Variants in SEMA6D observed in about 807,000 individuals in gnomAD.
The protein encoded by SEMA6D is semaphorin 6D, also known as semaphorin-6D.
In SEMA6D, 35 loss-of-function variants were observed where a neutral mutation model predicts 106.6. The observed-to-expected ratio is 0.33, with a 90% CI of 0.25 to 0.44. SEMA6D has a LOEUF of 0.44. Ranked by LOEUF, SEMA6D falls within the 20% of genes least tolerant of loss-of-function variation. The probability of loss-of-function intolerance (pLI) is 1.00; values close to 1 mark genes in which losing one functional copy is unlikely to be tolerated. For missense variants in SEMA6D, 1,185 were observed against 1,345.9 expected, an observed-to-expected ratio of 0.88 and a Z score of 1.87; for synonymous variants, 499 against 487.7, an observed-to-expected ratio of 1.02 and a Z score of -0.31.
intron 2 of SEMA6D, among the ~76,000 whole-genome samples, chr15:47,432,329 C>T (rs1033319560): frequency 1.2e-4 from 18 of 151,902 alleles, no homozygotes; most frequent in African/African-American, 3.1e-4. Context: ...AAATATGGTT[C>T]GATAGAAACA....
chr15:47,457,395 C>A (rs1385063034), intron 2 of SEMA6D, among the ~76,000 whole-genome samples: 1 of 151,636 alleles, frequency 6.6e-6, no homozygotes, highest in South Asian at 2.1e-4. Flanking sequence ...AAAAAAAACA[C>A]AGATGAAAGT....
At chr15:47,540,380 G>A (rs8027222) in intron 3 of SEMA6D, among the ~76,000 whole-genome samples, 40,580 of 151,824 alleles carry the variant, frequency 0.27, 5,766 homozygotes, top group East Asian at 0.47. Context: ...TTCAAAATTA[G>A]CAAGGCATCC....
intron 4 of SEMA6D, among the ~76,000 whole-genome samples, chr15:47,634,998 C>G (rs144932673): frequency 5.3e-5 from 8 of 152,100 alleles, no homozygotes; most frequent in Non-Finnish European, 8.8e-5. Flanking sequence ...TTTTTTGGAG[C>G]TTTTCAGTCA....
At chr15:47,276,847 G>A (rs1453925064) in intron 1 of SEMA6D, among the ~76,000 whole-genome samples, 1 of 152,112 alleles carries the variant, frequency 6.6e-6, no homozygotes, top group Non-Finnish European at 1.5e-5. Flanking sequence ...AAGGATCTGG[G>A]CAAAGTAAAA....
intron 1 of SEMA6D, among the ~76,000 whole-genome samples, chr15:47,411,593 G>A (rs1428464599): frequency 6.6e-6 from 1 of 152,070 alleles, no homozygotes; most frequent in Non-Finnish European, 1.5e-5. Flanking sequence ...GAATGACAAA[G>A]TCTGACATTT....
At chr15:47,192,575 AAGC>A (rs1894038438) in intron 1 of SEMA6D, among the ~76,000 whole-genome samples, 2 of 152,216 alleles carry the variant, frequency 1.3e-5, no homozygotes, top group Non-Finnish European at 2.9e-5. Flanking sequence ...CATCATTAAA[AAGC>A]ATTTTTTTCA....
Position 47,766,640 on chromosome 15 carries a change from A to C in SEMA6D, c.1671A>C (p.Thr557=). ...GTGCTGAAGGATATGAACAAGACAC[A>C]GAATTCGGCAACACAGCTCATCTAG... ...GMLAEGYEQD[T]EFGNTAHLGD... Residue 557 remains threonine, a synonymous_variant, in exon 16 of 19, where the codon ACA becomes ACC. Coordinates refer to ENST00000536845, the MANE Select transcript of SEMA6D (RefSeq NM_001358351.3). 6.2e-7 allele frequency: 1 copy of C among 1,612,972 alleles called. No individual in the cohort carries two copies. The highest frequency in any genetic ancestry group is 1.7e-4 in the Middle Eastern group (1 of 6,046).
chr15:47,454,059 G>T (rs1355010794), intron 2 of SEMA6D, among the ~76,000 whole-genome samples: 1 of 151,896 alleles, frequency 6.6e-6, no homozygotes, highest in Non-Finnish European at 1.5e-5. Flanking sequence ...CAAGACCTGT[G>T]GTGTGGTTGG....
Position 47,764,047 on chromosome 15 carries a change from G to A in SEMA6D, c.945G>A (p.Val315=), listed in dbSNP as rs1195512993. ...QINGIPTVVG[V]FTTQLNSIPG... ...ATGGCATCCCCACTGTGGTCGGGGT[G>A]TTTACCACGCAGCTCAATAGGTGAG... The change falls in exon 10 of 19, where the codon GTG becomes GTA. Residue 315 remains valine, a synonymous_variant. Coordinates refer to ENST00000536845, the MANE Select transcript of SEMA6D (RefSeq NM_001358351.3). 1.2e-6 allele frequency: 2 copies of A among 1,613,884 alleles called. No individual in the cohort carries two copies. Among genetic ancestry groups the A allele is most frequent in the African/African-American group, 2.7e-5 (2 of 75,000 alleles).
At chr15:47,289,663 A>G (rs1022347244) in intron 1 of SEMA6D, among the ~76,000 whole-genome samples, 2 of 152,006 alleles carry the variant, frequency 1.3e-5, no homozygotes, top group African/African-American at 4.8e-5. Flanking sequence ...TCCTGCAGAA[A>G]CTTCCCTAGC....
chr15:47,497,463 T>C (rs2043704840), intron 3 of SEMA6D, among the ~76,000 whole-genome samples: 1 of 152,126 alleles, frequency 6.6e-6, no homozygotes, highest in Non-Finnish European at 1.5e-5. Context: ...TTTGACTTCA[T>C]CACATTAACA....
chr15:47,320,182 C>T (rs192450300), intron 1 of SEMA6D, among the ~76,000 whole-genome samples: 58 of 152,294 alleles, frequency 3.8e-4, no homozygotes, highest in Admixed American at 3.1e-3. Context: ...TTGCCTGTCT[C>T]TGACTGCTCA....
chr15:47,458,477 T>G (rs1201670588), intron 2 of SEMA6D, among the ~76,000 whole-genome samples: 2 of 152,006 alleles, frequency 1.3e-5, no homozygotes, highest in East Asian at 3.9e-4. Flanking sequence ...GAAGTCTTAT[T>G]AATTTAAAAA....
chr15:47,326,031 T>C (rs2037118075), intron 1 of SEMA6D, among the ~76,000 whole-genome samples: 1 of 152,182 alleles, frequency 6.6e-6, no homozygotes, highest in Non-Finnish European at 1.5e-5. Context: ...TAAATTACTT[T>C]GAACATTAGG....
At chr15:47,610,887 TTG>T (rs1679370393) in intron 4 of SEMA6D, among the ~76,000 whole-genome samples, 1 of 152,200 alleles carries the variant, frequency 6.6e-6, no homozygotes, top group Non-Finnish European at 1.5e-5. Context: ...GTAGCTCATT[TTG>T]AAGTGGATTA....
At chr15:47,658,334 T>C (rs1270294146) in intron 4 of SEMA6D, among the ~76,000 whole-genome samples, 1 of 152,156 alleles carries the variant, frequency 6.6e-6, no homozygotes, top group Non-Finnish European at 1.5e-5. Flanking sequence ...TATGTGGCTA[T>C]AATATAATAT....
Position 47,763,961 on chromosome 15 carries a change from C to G in SEMA6D, c.859C>G (p.Pro287Ala), listed in dbSNP as rs1347387399. The G allele has an allele frequency of 2.5e-6, 4 of 1,613,762 alleles. No homozygotes were observed. The highest frequency in any genetic ancestry group is 3.4e-6 in the Non-Finnish European group (4 of 1,179,878). The change falls in exon 10 of 19, where the codon CCT (proline) becomes GCT (alanine). Residue 287 changes from proline to alanine, a missense_variant. Physicochemically the swap from Pro to Ala is conservative, Grantham distance 27 (BLOSUM62 -1). Coordinates refer to ENST00000536845, the MANE Select transcript of SEMA6D (RefSeq NM_001358351.3). ...AAAGGCTCGGCTGAACTGTTCTGTC[C>G]CTGGAGATTCGTTTTTCTACTTTGA... Reference protein sequence around the residue: ...FLKARLNCSVPGDSFFYFDVL... With the variant: ...FLKARLNCSVAGDSFFYFDVL...
At chr15:47,243,010 C>T (rs544099023) in intron 1 of SEMA6D, among the ~76,000 whole-genome samples, 2 of 152,066 alleles carry the variant, frequency 1.3e-5, no homozygotes, top group East Asian at 1.9e-4. Context: ...GAAACTTCAC[C>T]GTGTATATGT....
At chr15:47,481,724 T>A (rs542004696) in intron 3 of SEMA6D, among the ~76,000 whole-genome samples, 14 of 152,312 alleles carry the variant, frequency 9.2e-5, no homozygotes, top group African/African-American at 3.4e-4. Context: ...CAGCATGGAC[T>A]ATTTCCTTTT....
Sources: gnomAD v4.1 joint callset for allele counts (sites outside exome capture counted in the v4.1 genomes callset) on GRCh38, gnomAD v4.1.1 for gene constraint, MANE v1.5 for transcripts, NCBI Gene and HGNC (gene_info 2026-07-23, HGNC 2026-07-21) for gene names.